Variants in TBC1D17 observed in about 807,000 individuals in gnomAD.
The protein encoded by TBC1D17 is TBC1 domain family, member 17.
TBC1D17 carries 69 observed loss-of-function variants against 78.8 expected under a neutral mutation model. The ratio of observed to expected loss-of-function variants is 0.88; its 90% CI spans 0.72 to 1.07. TBC1D17 has a LOEUF of 1.07. TBC1D17 is among the 50% of genes least tolerant of loss of function. The pLI is 0.00. For synonymous variants in TBC1D17, 456 were observed against 358.3 expected, an observed-to-expected ratio of 1.27 and a Z score of -3.08; for missense variants, 957 against 861.0, an observed-to-expected ratio of 1.11 and a Z score of -1.39.
Position 49,878,138 on chromosome 19 carries a change from C to T in TBC1D17, c.22-5C>T, listed in dbSNP as rs748224616. 9.5e-6 allele frequency: 15 copies of T among 1,573,060 alleles called. No homozygotes were observed. The highest frequency in any genetic ancestry group is 1.2e-5 in the Non-Finnish European group (14 of 1,159,792). On this transcript the variant is annotated splice_region_variant and splice_polypyrimidine_tract_variant and intron_variant, in intron 1 of 16. Transcript: ENST00000221543. The stretch of plus-strand genomic sequence containing the variant: ...CCCAGCCCTCGCTGGTTCCCCCCAA[C>T]TCAGGTGGTGTTTGAGAAGGGCGGA...
intron 13 of TBC1D17, 155 bp from the exon 14 acceptor site, chr19:49,887,321 C>T (rs1022437619): frequency 1.8e-5 from 12 of 677,318 alleles, no homozygotes; most frequent in African/African-American, 5.4e-5. Context: ...GGGCAGGGCC[C>T]GCGTTCAGGG....
At position 49,881,255 on chromosome 19, in the gene TBC1D17, G is replaced by A; in HGVS notation, c.320-13G>A. 1 of 1,609,128 alleles carries A rather than the reference G, an allele frequency of 6.2e-7. No homozygotes were observed. The highest frequency in any genetic ancestry group is 8.5e-7 in the Non-Finnish European group (1 of 1,177,302). On this transcript the variant is annotated splice_polypyrimidine_tract_variant and intron_variant, in intron 4 of 16. Transcript: ENST00000221543. ...TCCCACGCGCTTCCCCCAACACAGT[G>A]CCGTCTCCCTAGGTGCAGAGCCCAG...
Position 49,888,656 on chromosome 19 carries a change from C to A in TBC1D17, c.*32C>A. 6.6e-7 allele frequency: 1 copy of A among 1,508,576 alleles called. No individual in the cohort carries two copies. The highest frequency in any genetic ancestry group is 1.2e-5 in the South Asian group (1 of 81,026). 93.4% of individuals were successfully genotyped at this position (1,508,576 alleles called of 1,614,324 possible). A position where few individuals can be genotyped will look rare whatever the true frequency, so the allele number is the denominator to read the frequency against. On this transcript the variant is annotated 3_prime_UTR_variant, in exon 17 of 17. Transcript: ENST00000221543. ...CAGGCAGCCTCGTTCTGCACAGGCA[C>A]TTTAGCCCGAGCCAGGCACACCTGC...
At position 49,888,725 on chromosome 19, in the gene TBC1D17, C is replaced by T; in HGVS notation, c.*101C>T. On this transcript the variant is annotated 3_prime_UTR_variant, in exon 17 of 17. Coordinates refer to ENST00000221543, the MANE Select transcript of TBC1D17 (RefSeq NM_024682.3). ...CGCCGCCCTGCTGATAAGCTGGCTT[C>T]ATTAAACTGACACTTCTCATGTGCA... The T allele has an allele frequency of 8.9e-7, 1 of 1,118,942 alleles. No individual in the cohort carries two copies. 69.3% of individuals were successfully genotyped at this position (1,118,942 alleles called of 1,614,324 possible).
In TBC1D17 at chr19:49,887,715, C is replaced by T. The variant is rs771981326; in HGVS notation, c.1543-3C>T. On this transcript the variant is annotated splice_polypyrimidine_tract_variant and splice_region_variant and intron_variant, in intron 14 of 16. Transcript: ENST00000221543. ...CCTCCCTCCCTCTGTCCCGCACCCT[C>T]AGGTGCTGTGGACAGGGCTCCCTGG... 1 of 1,613,594 alleles carries T rather than the reference C, an allele frequency of 6.2e-7. No homozygotes were observed. Among genetic ancestry groups the T allele is most frequent in the East Asian group, 2.2e-5 (1 of 44,878 alleles).
chr19:49,880,156 C>T lies in TBC1D17; in HGVS notation c.196-123C>T. The T allele has an allele frequency of 7.0e-6, 9 of 1,288,236 alleles. No homozygotes were observed. In the South Asian group the frequency reaches 1.0e-4, roughly 15 times the overall value. The allele number at this position is 1,288,236 out of a possible 1,614,324, so 79.8% of individuals were successfully genotyped here. Reference sequence around the variant, plus strand: ...TACAGGCGTGAGCCACCGCACCCGGCCTGCTGTACCTTCTTTGTGCCTCAG... The same window carrying T: ...TACAGGCGTGAGCCACCGCACCCGGTCTGCTGTACCTTCTTTGTGCCTCAG... On this transcript the variant is annotated intron_variant, in intron 3 of 16. Coordinates refer to ENST00000221543, the MANE Select transcript of TBC1D17 (RefSeq NM_024682.3).
chr19:49,887,353 G>T, intron 13 of TBC1D17, 123 bp from the exon 14 acceptor site: 1 of 977,648 alleles, frequency 1.0e-6, no homozygotes, highest in South Asian at 1.5e-5. Context: ...TCACCTCCGA[G>T]GTTCCCCAGC....
At position 49,888,668 on chromosome 19, in the gene TBC1D17, C is replaced by G. The variant is rs1480961182; in HGVS notation, c.*44C>G. The stretch of plus-strand genomic sequence containing the variant: ...TTCTGCACAGGCACTTTAGCCCGAG[C>G]CAGGCACACCTGCGAGGGGGCAGGT... On this transcript the variant is annotated 3_prime_UTR_variant, in exon 17 of 17. Coordinates refer to ENST00000221543, the MANE Select transcript of TBC1D17 (RefSeq NM_024682.3). The G allele has an allele frequency of 1.3e-6, 2 of 1,484,098 alleles. No homozygotes were observed. The highest frequency in any genetic ancestry group is 1.8e-6 in the Non-Finnish European group (2 of 1,114,512). The allele number at this position is 1,484,098 out of a possible 1,614,324, so 91.9% of individuals were successfully genotyped here.
At chr19:49,883,126 C>T in intron 9 of TBC1D17, 50 bp downstream of exon 9, 2 of 1,530,616 alleles carry the variant, frequency 1.3e-6, no homozygotes, top group Non-Finnish European at 1.8e-6. Context: ...CTGGTACCTC[C>T]TAGGGCACCA....
At chr19:49,884,104 T>C (rs1206866879) in intron 10 of TBC1D17, 149 bp from the exon 11 acceptor site, 1 of 723,098 alleles carries the variant, frequency 1.4e-6, no homozygotes. Flanking sequence ...TCAGTGATAG[T>C]TTCTAGAACC....
chr19:49,880,296 C>G lies in TBC1D17; in HGVS notation c.213C>G (p.Asp71Glu), dbSNP rs1401314864. ...CTCCTAAGGACTCCAGTGGGGGTGA[C>G]TCATGTGCTTCTGAGGAGGAACCAA... is the stretch of plus-strand genomic sequence containing the variant. ...LFSKKDSSGG[D>E]SCASEEEPTF... The change falls in exon 4 of 17, where the codon GAC becomes GAG. Residue 71 changes from aspartate (D) to glutamate (E), a missense_variant. By Grantham distance (45) the Asp-to-Glu change is conservative. Transcript: ENST00000221543. 6 of 1,614,104 alleles carry G rather than the reference C, an allele frequency of 3.7e-6. No homozygotes were observed. The highest frequency in any genetic ancestry group is 5.1e-6 in the Non-Finnish European group (6 of 1,179,996).
At chr19:49,887,218 G>C in intron 13 of TBC1D17, 1 of 485,012 alleles carries the variant, frequency 2.1e-6, no homozygotes, top group Non-Finnish European at 3.8e-6. Flanking sequence ...GGTCTGTTTC[G>C]TCGGGCGTGC....
chr19:49,880,278 G>A lies in TBC1D17; in HGVS notation c.196-1G>A. The A allele has an allele frequency of 6.2e-7, 1 of 1,613,996 alleles. No homozygotes were observed. The highest frequency in any genetic ancestry group is 8.5e-7 in the Non-Finnish European group (1 of 1,179,948). The stretch of plus-strand genomic sequence containing the variant: ...ACTGTCTGCTCCTTTCCTCTCCTAA[G>A]GACTCCAGTGGGGGTGACTCATGTG... On this transcript the variant is annotated splice_acceptor_variant, in intron 3 of 16. Transcript: ENST00000221543. LOFTEE classifies it high-confidence loss of function.
At chr19:49,880,245 G>A (rs374550473) in intron 3 of TBC1D17, 34 bp from the exon 4 acceptor site, 1 of 1,610,774 alleles carries the variant, frequency 6.2e-7, no homozygotes, top group Non-Finnish European at 8.5e-7. Context: ...CTGAATCCAT[G>A]GCCCCTTACT....
At chr19:49,880,504 G>A (rs1287759132) in intron 4 of TBC1D17, 102 bp downstream of exon 4, 2 of 1,454,830 alleles carry the variant, frequency 1.4e-6, no homozygotes, top group Non-Finnish European at 1.8e-6. Context: ...CCACAATCAA[G>A]AAGGCCACCA....
Position 49,887,780 on chromosome 19 carries a change from C to A in TBC1D17, c.1605C>A (p.Asp535Glu), listed in dbSNP as rs1281521552. 1 of 1,613,050 alleles carries A rather than the reference C, an allele frequency of 6.2e-7. No individual in the cohort carries two copies. Among genetic ancestry groups the A allele is most frequent in the African/African-American group, 1.3e-5 (1 of 74,940 alleles). ...LHLLVACAIL[D>E]MERDTLMLSG... Reference sequence around the variant, plus strand: ...TGCTGGTGGCCTGCGCCATCCTGGACATGGAGAGGGACACCCTCATGCTGT... The same window carrying A: ...TGCTGGTGGCCTGCGCCATCCTGGAAATGGAGAGGGACACCCTCATGCTGT... The change falls in exon 15 of 17, where the codon GAC (aspartate) becomes GAA (glutamate). Residue 535 changes from aspartate (D) to glutamate (E), a missense_variant. Coordinates refer to ENST00000221543, the MANE Select transcript of TBC1D17 (RefSeq NM_024682.3).
At chr19:49,888,356 C>T (rs770137447) in intron 16 of TBC1D17, 39 bp downstream of exon 16, 1 of 1,543,908 alleles carries the variant, frequency 6.5e-7, no homozygotes, top group South Asian at 1.2e-5. Context: ...CGCCCGAACC[C>T]CGACCGACCC....
At chr19:49,880,040 T>C (rs2074998690) in intron 3 of TBC1D17, among the ~76,000 whole-genome samples, 1 of 151,914 alleles carries the variant, frequency 6.6e-6, no homozygotes. Flanking sequence ...ATTTTTTTAG[T>C]AGAAACGAGG....
In TBC1D17 at chr19:49,882,989, T is replaced by G; in HGVS notation, c.944T>G (p.Leu315Arg). ...RIFSGGLSPS[L>R]RREAWKFLLG... ...CACCCCCAGGGTCTGAGCCCCAGCC[T>G]GCGGCGCGAGGCCTGGAAGTTCCTC... is the stretch of plus-strand genomic sequence containing the variant. The change falls in exon 9 of 17, where the codon CTG becomes CGG. Residue 315 changes from leucine to arginine, a missense_variant. Coordinates refer to ENST00000221543, the MANE Select transcript of TBC1D17 (RefSeq NM_024682.3). The G allele has an allele frequency of 6.2e-7, 1 of 1,609,912 alleles. No individual in the cohort carries two copies. The highest frequency in any genetic ancestry group is 8.5e-7 in the Non-Finnish European group (1 of 1,178,230).
Sources: gnomAD v4.1 joint callset for allele counts (sites outside exome capture counted in the v4.1 genomes callset) on GRCh38, gnomAD v4.1.1 for gene constraint, MANE v1.5 for transcripts, NCBI Gene and HGNC (gene_info 2026-07-23, HGNC 2026-07-21) for gene names.